SMURF1: variants seen among roughly 807,000 people sequenced by gnomAD.
SMURF1 encodes the protein SMAD specific E3 ubiquitin protein ligase 1.
A neutral mutation model predicts 98.0 loss-of-function variants in SMURF1; 44 were observed. The ratio of observed to expected loss-of-function variants is 0.45; its 90% confidence interval spans 0.35 to 0.58. SMURF1 has a LOEUF of 0.58. Among genes scored for constraint, SMURF1 ranks in the 20% least tolerant of loss-of-function variants. The pLI is 0.00. For missense variants in SMURF1, 687 were observed against 938.4 expected, an observed-to-expected ratio of 0.73 and a Z score of 3.50; for synonymous variants, 396 against 374.9, an observed-to-expected ratio of 1.06 and a Z score of -0.65.
In SMURF1 at chr7:99,099,924, T is replaced by C. The variant is rs80000851; in HGVS notation, c.56-38087A>G. Among the ~76,000 whole-genome samples, 10 of 152,300 alleles carry C rather than the reference T, an allele frequency of 6.6e-5. No individual in the cohort carries two copies. The East Asian group carries it at 1.9e-3, about 29-fold the overall frequency. ...GTGCTAAATAAACCTCTTTACTTTA[T>C]AAACTATCCAGTTTCAGGTATTCTG... On this transcript the variant is annotated intron_variant, in intron 1 of 17. Transcript: ENST00000361368.
intron 1 of SMURF1, among the ~76,000 whole-genome samples, chr7:99,072,192 G>A (rs1796341278): frequency 6.6e-6 from 1 of 152,172 alleles, no homozygotes; most frequent in African/African-American, 2.4e-5. Flanking sequence ...AAATGAGGCA[G>A]TATTATTATT....
At chr7:99,049,080 G>A (rs1795671830) in intron 9 of SMURF1, 1 of 152,384 alleles carries the variant, frequency 6.6e-6, no homozygotes. Flanking sequence ...GACAGAGCTG[G>A]ACTCTGTCTC....
chr7:99,143,611 A>T lies in SMURF1; in HGVS notation c.55+115T>A, dbSNP rs960973172. 9 of 778,916 alleles carry T rather than the reference A, an allele frequency of 1.2e-5. No individual in the cohort carries two copies. The African/African-American group carries it at 1.9e-4, about 16-fold the overall frequency. 48.3% of individuals were successfully genotyped at this position (778,916 alleles called of 1,614,324 possible). ...GGGGCGCACGCCGAAGGGGGTGACG[A>T]GGTCCTGGGACAACGGCCGGCGTGG... On this transcript the variant is annotated intron_variant, in intron 1 of 17. Coordinates refer to ENST00000361368, the MANE Select transcript of SMURF1 (RefSeq NM_181349.3).
intron 1 of SMURF1, among the ~76,000 whole-genome samples, chr7:99,111,078 C>T (rs1337411123): frequency 6.6e-6 from 1 of 152,118 alleles, no homozygotes; most frequent in Non-Finnish European, 1.5e-5. Flanking sequence ...ACTGAGTACT[C>T]CTTTTTATAG....
intron 16 of SMURF1, 70 bp downstream of exon 16, chr7:99,035,445 C>T: frequency 6.4e-7 from 1 of 1,562,558 alleles, no homozygotes; most frequent in Non-Finnish European, 8.8e-7. Flanking sequence ...ATCCCAGCCA[C>T]CTTCCAGCTC....
intron 1 of SMURF1, among the ~76,000 whole-genome samples, chr7:99,078,184 C>G (rs1796505934): frequency 6.6e-6 from 1 of 151,778 alleles, no homozygotes. Context: ...TGCCTGTAAT[C>G]CCAGCTACAC....
Position 99,142,596 on chromosome 7 carries a change from A to G in SMURF1, c.55+1130T>C, listed in dbSNP as rs1284452760. Among the ~76,000 whole-genome samples, 4 of 91,440 alleles carry G rather than the reference A, an allele frequency of 4.4e-5. No individual in the cohort carries two copies. The East Asian group carries it at 1.5e-3, about 34-fold the overall frequency. The allele number at this position is 91,440 out of a possible 152,430, so 60.0% of individuals were successfully genotyped here. A position where few individuals can be genotyped will look rare whatever the true frequency, so the allele number is the denominator to read the frequency against. ...GGCAGGAATGAGGGCGGGGCTTGAA[A>G]GTGAGGGGCGGGGCTAGGGGAAGAA... On this transcript the variant is annotated intron_variant, in intron 1 of 17. Transcript: ENST00000361368.
At chr7:99,072,172 G>C (rs890740391) in intron 1 of SMURF1, among the ~76,000 whole-genome samples, 1 of 152,098 alleles carries the variant, frequency 6.6e-6, no homozygotes, top group African/African-American at 2.4e-5. Flanking sequence ...TTCTCTCTCT[G>C]TGTTCTACCA....
At chr7:99,059,195 C>T (rs911703876) in intron 3 of SMURF1, among the ~76,000 whole-genome samples, 3 of 151,134 alleles carry the variant, frequency 2.0e-5, no homozygotes, top group African/African-American at 7.3e-5. Flanking sequence ...GTCAGGAGAT[C>T]GAGACCATCC....
intron 9 of SMURF1, 88 bp from the exon 10 acceptor site, chr7:99,047,970 G>T: frequency 8.3e-7 from 1 of 1,206,486 alleles, no homozygotes; most frequent in Non-Finnish European, 1.2e-6. Flanking sequence ...TCAGAGGAGA[G>T]AGCTAGCTGC....
intron 1 of SMURF1, among the ~76,000 whole-genome samples, chr7:99,062,248 CCA>C (rs1796050671): frequency 6.6e-6 from 1 of 152,028 alleles, no homozygotes; most frequent in Non-Finnish European, 1.5e-5. Flanking sequence ...TAGGCACACG[CCA>C]CCATGCCTGG....
At chr7:99,136,399 T>G (rs1206651279) in intron 1 of SMURF1, among the ~76,000 whole-genome samples, 1 of 152,230 alleles carries the variant, frequency 6.6e-6, no homozygotes, top group East Asian at 1.9e-4. Context: ...GTTCCTAGTT[T>G]GTCTTTGCAT....
intron 1 of SMURF1, among the ~76,000 whole-genome samples, chr7:99,082,082 T>C (rs1377152600): frequency 6.6e-6 from 1 of 152,270 alleles, no homozygotes; most frequent in Non-Finnish European, 1.5e-5. Context: ...TTGGTAGCCT[T>C]CTTTGGAGAA....
At chr7:99,063,271 AT>A (rs1563012797) in intron 1 of SMURF1, among the ~76,000 whole-genome samples, 277 of 11,574 alleles carry the variant, frequency 0.024, 24 homozygotes, top group Middle Eastern at 0.067. Flanking sequence ...ATATATATAT[AT>A]ATATATATAT....
intron 2 of SMURF1, among the ~76,000 whole-genome samples, chr7:99,061,409 G>T (rs372500570): frequency 1.3e-5 from 2 of 152,186 alleles, no homozygotes; most frequent in Non-Finnish European, 2.9e-5. Context: ...ATAGGGTGTT[G>T]TAAATGTGAT....
intron 1 of SMURF1, among the ~76,000 whole-genome samples, chr7:99,063,539 C>T (rs891608262): frequency 1.3e-5 from 2 of 150,722 alleles, no homozygotes; most frequent in Non-Finnish European, 2.9e-5. Context: ...ATCCTCCCAA[C>T]TTCGCCCCAC....
At chr7:99,124,514 G>A (rs1045496112) in intron 1 of SMURF1, among the ~76,000 whole-genome samples, 143 of 152,262 alleles carry the variant, frequency 9.4e-4, no homozygotes, top group African/African-American at 2.1e-3. Context: ...AAGGGAAAAC[G>A]GGACAGGCGC....
chr7:99,138,999 A>T (rs180951770), intron 1 of SMURF1, among the ~76,000 whole-genome samples: 1 of 152,350 alleles, frequency 6.6e-6, no homozygotes, highest in Admixed American at 6.5e-5. Flanking sequence ...CTGACCACTT[A>T]TTCCATCTTA....
chr7:99,063,233 A>T (rs1180081586), intron 1 of SMURF1, among the ~76,000 whole-genome samples: 4 of 87,590 alleles, frequency 4.6e-5, no homozygotes, highest in African/African-American at 2.3e-4. Flanking sequence ...TATATATATA[A>T]GATTTATTTA....
Sources: allele counts gnomAD v4.1 joint callset (sites outside exome capture counted in the v4.1 genomes callset), GRCh38; gene constraint gnomAD v4.1.1; transcripts MANE v1.5; gene names NCBI Gene and HGNC (gene_info 2026-07-23, HGNC 2026-07-21).